Variants in SETBP1 observed in about 807,000 individuals in gnomAD.
The protein encoded by SETBP1 is SET binding protein 1, also known as SET-binding protein.
In SETBP1, 9 loss-of-function variants were observed where a neutral mutation model predicts 101.0. The ratio of observed to expected loss-of-function variants is 0.09; its 90% CI spans 0.05 to 0.16. The LOEUF is 0.16. Ranked by LOEUF, SETBP1 falls within the 10% of genes least tolerant of loss-of-function variation. SETBP1 has a pLI of 1.00. For missense variants in SETBP1, 1,858 were observed against 2,033.8 expected (o/e 0.91, Z 1.66); for synonymous variants, 818 against 788.5 (o/e 1.04, Z -0.63).
intron 3 of SETBP1, among the ~76,000 whole-genome samples, chr18:44,907,767 C>T (rs573645129): frequency 1.3e-4 from 20 of 152,258 alleles, no homozygotes; most frequent in African/African-American, 4.6e-4. Flanking sequence ...AGATATGTGA[C>T]TTGCAAAATT....
chr18:45,023,544 G>A (rs568257033), intron 4 of SETBP1, among the ~76,000 whole-genome samples: 12 of 152,310 alleles, frequency 7.9e-5, no homozygotes, highest in East Asian at 1.9e-4. Context: ...ACCACCAGCC[G>A]TTGATTGAGA....
At chr18:45,054,401 T>G (rs1004671080) in intron 5 of SETBP1, among the ~76,000 whole-genome samples, 2 of 152,122 alleles carry the variant, frequency 1.3e-5, no homozygotes, top group African/African-American at 4.8e-5. Context: ...TTGGCCAGAC[T>G]GGTCTCAAAC....
intron 4 of SETBP1, among the ~76,000 whole-genome samples, chr18:45,029,731 T>G (rs1473888368): frequency 6.6e-6 from 1 of 152,210 alleles, no homozygotes; most frequent in African/African-American, 2.4e-5. Flanking sequence ...TTCATATCAC[T>G]TGTAAGTTGG....
intron 2 of SETBP1, among the ~76,000 whole-genome samples, chr18:44,831,561 C>T (rs1354426993): frequency 1.3e-5 from 2 of 152,220 alleles, no homozygotes; most frequent in Non-Finnish European, 2.9e-5. Flanking sequence ...CCATCTCTTA[C>T]TAGCTGTGTG....
chr18:44,882,746 G>T (rs2069559038), intron 3 of SETBP1, among the ~76,000 whole-genome samples: 1 of 152,108 alleles, frequency 6.6e-6, no homozygotes, highest in Admixed American at 6.5e-5. Context: ...TAGGTCATAG[G>T]ATATCAGATT....
chr18:45,000,599 A>T lies in SETBP1; in HGVS notation c.4001-37886A>T, dbSNP rs565950428. On this transcript the variant is annotated intron_variant, in intron 4 of 5. Coordinates refer to ENST00000649279, the MANE Select transcript of SETBP1 (RefSeq NM_015559.3). ...TAAATATACTCTTAAAATAAAAAAT[A>T]TACATGTATATTTTAGGCTTGATAA... Among the ~76,000 whole-genome samples the T allele has an allele frequency of 2.0e-5, 3 of 152,306 alleles. No individual in the cohort carries two copies. In the South Asian group the frequency reaches 6.2e-4, roughly 32 times the overall value.
chr18:45,063,769 G>T lies in SETBP1; in HGVS notation c.*71G>T. ...GGGAAGCGCAGTGAGCCGGGGCGGG[G>T]GCGGAATCCCCCGCTGCAGGGACAC... is the stretch of plus-strand genomic sequence containing the variant. On this transcript the variant is annotated 3_prime_UTR_variant, in exon 6 of 6. Transcript: ENST00000649279. 6.6e-7 allele frequency: 1 copy of T among 1,520,796 alleles called. No homozygotes were observed. The highest frequency in any genetic ancestry group is 1.2e-5 in the South Asian group (1 of 82,610). The allele number at this position is 1,520,796 out of a possible 1,614,324, so 94.2% of individuals were successfully genotyped here.
intron 4 of SETBP1, chr18:44,986,430 C>G (rs2072235156): frequency 6.6e-6 from 1 of 152,050 alleles, no homozygotes; most frequent in East Asian, 1.9e-4. Context: ...TATAAATGCT[C>G]TACACTAAAT....
At chr18:45,035,239 A>G (rs867577592) in intron 4 of SETBP1, among the ~76,000 whole-genome samples, 2 of 152,178 alleles carry the variant, frequency 1.3e-5, no homozygotes, top group Admixed American at 6.5e-5. Context: ...GATTGTTTCC[A>G]TTATCCTTTC....
At chr18:44,964,924 T>G (rs1301071989) in intron 4 of SETBP1, among the ~76,000 whole-genome samples, 1 of 152,186 alleles carries the variant, frequency 6.6e-6, no homozygotes, top group African/African-American at 2.4e-5. Context: ...GTTGTGTCAT[T>G]ATCCAAACGG....
intron 3 of SETBP1, among the ~76,000 whole-genome samples, chr18:44,932,517 A>C (rs2070861137): frequency 6.6e-6 from 1 of 152,202 alleles, no homozygotes; most frequent in South Asian, 2.1e-4. Context: ...TCTTCTGGAT[A>C]ATACCCTGAA....
chr18:45,003,441 C>T (rs1029147483), intron 4 of SETBP1, among the ~76,000 whole-genome samples: 2 of 152,116 alleles, frequency 1.3e-5, no homozygotes, highest in Admixed American at 1.3e-4. Context: ...CTGAGTGGGC[C>T]TTTGTCCTAT....
Position 44,951,284 on chromosome 18 carries a change from T to C in SETBP1, c.1944T>C (p.Phe648=). 2 of 1,613,622 alleles carry C rather than the reference T, an allele frequency of 1.2e-6. No homozygotes were observed. Among genetic ancestry groups the C allele is most frequent in the Non-Finnish European group, 1.7e-6 (2 of 1,180,026 alleles). Reference sequence around the variant, plus strand: ...ACAAACCCATGAGCGAGATGAAATTTCACAAGAAAGTTGGAAAGCTCGGCG... The same window carrying C: ...ACAAACCCATGAGCGAGATGAAATTCCACAAGAAAGTTGGAAAGCTCGGCG... The part of the protein sequence containing the change: ...GEDKPMSEMK[F]HKKVGKLGVL... The change falls in exon 4 of 6, where the codon TTT becomes TTC. Residue 648 remains phenylalanine (F), a synonymous_variant. Transcript: ENST00000649279. The surrounding 1 kb of genome is among the most constrained non-coding windows in gnomAD (Gnocchi z 7.8).
chr18:44,852,052 C>T (rs1233959428), intron 2 of SETBP1, among the ~76,000 whole-genome samples: 2 of 152,220 alleles, frequency 1.3e-5, no homozygotes, highest in Non-Finnish European at 2.9e-5. Flanking sequence ...AACCTCAGCA[C>T]CGAGGCATCC....
At chr18:44,862,712 C>G (rs1188686655) in intron 2 of SETBP1, among the ~76,000 whole-genome samples, 1 of 152,174 alleles carries the variant, frequency 6.6e-6, no homozygotes, top group Non-Finnish European at 1.5e-5. Context: ...ATCTCTTTGT[C>G]CTCCCCTCTG....
chr18:44,937,454 CAAAA>C (rs34414710), intron 3 of SETBP1, among the ~76,000 whole-genome samples: 66 of 83,370 alleles, frequency 7.9e-4, no homozygotes, highest in African/African-American at 2.8e-3. Context: ...GACTCCGTCT[CAAAA>C]AAAAAAAAAA....
chr18:44,894,660 A>C (rs1244141010), intron 3 of SETBP1, among the ~76,000 whole-genome samples: 1 of 152,236 alleles, frequency 6.6e-6, no homozygotes, highest in South Asian at 2.1e-4. Flanking sequence ...TTATTTCCAC[A>C]GTCACTTTAG....
At chr18:44,887,211 C>T (rs556447184) in intron 3 of SETBP1, among the ~76,000 whole-genome samples, 46 of 152,242 alleles carry the variant, frequency 3.0e-4, no homozygotes, top group African/African-American at 1.1e-3. Context: ...CATGATACAA[C>T]GTAGGTGCCC....
At chr18:44,809,565 CTTTAGTA>C (rs2144820002) in intron 2 of SETBP1, among the ~76,000 whole-genome samples, 1 of 152,226 alleles carries the variant, frequency 6.6e-6, no homozygotes, top group East Asian at 1.9e-4. Flanking sequence ...TACCCATGGC[CTTTAGTA>C]TTTTTCTGGA....
Sources: allele counts gnomAD v4.1 joint callset (sites outside exome capture counted in the v4.1 genomes callset), GRCh38; gene constraint gnomAD v4.1.1; non-coding constraint Gnocchi (gnomAD v3.1); transcripts MANE v1.5; gene names NCBI Gene and HGNC (gene_info 2026-07-23, HGNC 2026-07-21).